Variants in HYLS1 observed in about 807,000 individuals in gnomAD.
The protein encoded by HYLS1 is centriolar and ciliogenesis-associated protein HYLS1.
A neutral mutation model predicts 29.4 loss-of-function variants in HYLS1; 25 were observed. The ratio of observed to expected loss-of-function variants is 0.85; its 90% confidence interval spans 0.62 to 1.19. The LOEUF is 1.19. HYLS1 is among the 50% of genes most tolerant of loss of function. HYLS1 has a pLI of 0.00. For synonymous variants in HYLS1, 128 were observed against 126.7 expected, an observed-to-expected ratio of 1.01 and a Z score of -0.07; for missense variants, 352 against 365.1, an observed-to-expected ratio of 0.96 and a Z score of 0.29.
At chr11:125,889,870 T>G (rs1944380281) in intron 1 of HYLS1, among the ~76,000 whole-genome samples, 1 of 152,226 alleles carries the variant, frequency 6.6e-6, no homozygotes, top group Admixed American at 6.5e-5. Context: ...TGAAAAAATC[T>G]TATCAATCTG....
chr11:125,899,909 G>C lies in HYLS1; in HGVS notation c.541G>C (p.Ala181Pro). 6.2e-7 allele frequency: 1 copy of C among 1,614,202 alleles called. No homozygotes were observed. Among genetic ancestry groups the C allele is most frequent in the Non-Finnish European group, 8.5e-7 (1 of 1,180,026 alleles). ...ACAAAGAGAAGGAATGGGCTCTCCAGCTTACGAACAAGACCTGATTGTTGC... is the reference window on the plus strand; with the variant it reads ...ACAAAGAGAAGGAATGGGCTCTCCACCTTACGAACAAGACCTGATTGTTGC... ...SLQREGMGSP[A>P]YEQDLIVASR... Residue 181 changes from alanine (A) to proline (P), a missense_variant, in exon 3 of 3, where the codon GCT becomes CCT. Transcript: ENST00000425380.
intron 2 of HYLS1, chr11:125,894,256 AT>A (rs1565452140): frequency 6.2e-7 from 1 of 1,611,706 alleles, no homozygotes; most frequent in Non-Finnish European, 8.5e-7. Context: ...ACTTACAGTC[AT>A]ATAAGACTAG....
Position 125,900,419 on chromosome 11 carries a change from C to A in HYLS1, c.*151C>A. The A allele has an allele frequency of 1.4e-6, 1 of 698,518 alleles. No homozygotes were observed. The highest frequency in any genetic ancestry group is 2.5e-6 in the Non-Finnish European group (1 of 406,266). The allele number at this position is 698,518 out of a possible 1,614,324, so 43.3% of individuals were successfully genotyped here. A position where few individuals can be genotyped will look rare whatever the true frequency, so the allele number is the denominator to read the frequency against. On this transcript the variant is annotated 3_prime_UTR_variant, in exon 3 of 3. Transcript: ENST00000425380. Reference sequence around the variant, plus strand: ...ATTGGTCTTTCCTAGCTATATATCACATTGGTATCAGATGATACTTCCAAA... The same window carrying A: ...ATTGGTCTTTCCTAGCTATATATCAAATTGGTATCAGATGATACTTCCAAA...
In HYLS1 at chr11:125,900,432, T is replaced by C; in HGVS notation, c.*164T>C. On this transcript the variant is annotated 3_prime_UTR_variant, in exon 3 of 3. Transcript: ENST00000425380. The stretch of plus-strand genomic sequence containing the variant: ...AGCTATATATCACATTGGTATCAGA[T>C]GATACTTCCAAATTGCCACTCAAAT... 1 of 653,838 alleles carries C rather than the reference T, an allele frequency of 1.5e-6. No individual in the cohort carries two copies. Among genetic ancestry groups the C allele is most frequent in the Non-Finnish European group, 2.7e-6 (1 of 373,890 alleles). The allele number at this position is 653,838 out of a possible 1,614,324, so 40.5% of individuals were successfully genotyped here.
At chr11:125,899,274 G>C in intron 2 of HYLS1, 70 bp from the exon 3 acceptor site, 1 of 1,095,990 alleles carries the variant, frequency 9.1e-7, no homozygotes, top group Non-Finnish European at 1.4e-6. Context: ...ATAAAACGGA[G>C]ATAAGGGAAT....
At chr11:125,893,715 AT>A (rs35423925) in intron 2 of HYLS1, 60,604 of 971,896 alleles carry the variant, frequency 0.062, 1 homozygote, top group Non-Finnish European at 0.066. Flanking sequence ...TTGCAAGTAA[AT>A]TTTTTTTTTT....
At chr11:125,890,063 A>G (rs1412000423) in intron 1 of HYLS1, among the ~76,000 whole-genome samples, 2 of 152,074 alleles carry the variant, frequency 1.3e-5, no homozygotes, top group East Asian at 1.9e-4. Context: ...TTCAGCCCCC[A>G]TAGTACTGAG....
chr11:125,898,322 T>G (rs1237393176), intron 2 of HYLS1, among the ~76,000 whole-genome samples: 1 of 152,220 alleles, frequency 6.6e-6, no homozygotes, highest in Non-Finnish European at 1.5e-5. Flanking sequence ...ATGTGGCTGA[T>G]TGATGTGGAT....
Position 125,900,272 on chromosome 11 carries a change from T to G in HYLS1, c.*4T>G. 1 of 1,613,676 alleles carries G rather than the reference T, an allele frequency of 6.2e-7. No individual in the cohort carries two copies. The highest frequency in any genetic ancestry group is 8.5e-7 in the Non-Finnish European group (1 of 1,179,620). On this transcript the variant is annotated 3_prime_UTR_variant, in exon 3 of 3. Transcript: ENST00000425380. ...CTTCCCTCTTTCTCCTTCTTAAATC[T>G]TTTTAAACTTCTTTCACAGGATTGT...
intron 2 of HYLS1, chr11:125,895,400 C>T: frequency 1.2e-6 from 2 of 1,614,134 alleles, no homozygotes; most frequent in Non-Finnish European, 1.7e-6. Flanking sequence ...CTTGCCATCT[C>T]CCCTCACCTG....
At chr11:125,885,798 C>T (rs1014077772), upstream of HYLS1, among the ~76,000 whole-genome samples, 1 of 152,228 alleles carries the variant, frequency 6.6e-6, no homozygotes, top group Non-Finnish European at 1.5e-5. Flanking sequence ...CTCTGCCTTC[C>T]GTCGCATGAA....
intron 2 of HYLS1, among the ~76,000 whole-genome samples, chr11:125,894,502 T>C (rs1331067936): frequency 3.3e-5 from 5 of 152,204 alleles, no homozygotes; most frequent in African/African-American, 9.7e-5. Flanking sequence ...ACCTGATCTA[T>C]GTAAGGTAAA....
chr11:125,896,252 AGTCTGGTTTCT>A, intron 2 of HYLS1: 2 of 1,612,906 alleles, frequency 1.2e-6, no homozygotes, highest in Non-Finnish European at 1.7e-6. Context: ...GGAGCTTCTC[AGTCTGGTTTCT>A]GTCTGTGTCA....
Position 125,899,730 on chromosome 11 carries a change from G to A in HYLS1, c.362G>A (p.Gly121Asp), listed in dbSNP as rs769276737. The stretch of plus-strand genomic sequence containing the variant: ...TCGATTATCAGTGAATCAGAATCTG[G>A]TACAGAAAATGATCAGGATCTCTGG... ...DESIISESES[G>D]TENDQDLWDL... Residue 121 changes from glycine (G) to aspartate (D), a missense_variant, in exon 3 of 3, where the codon GGT becomes GAT. By Grantham distance (94) the Gly-to-Asp change is moderately conservative. Transcript: ENST00000425380. 1 of 1,614,122 alleles carries A rather than the reference G, an allele frequency of 6.2e-7. No homozygotes were observed. The highest frequency in any genetic ancestry group is 1.1e-5 in the South Asian group (1 of 91,076).
chr11:125,896,246 C>T (rs1944586236), intron 2 of HYLS1: 2 of 1,613,020 alleles, frequency 1.2e-6, no homozygotes, highest in South Asian at 1.1e-5. Context: ...TTTTTAGGAG[C>T]TTCTCAGTCT....
chr11:125,885,538 C>T (rs1944291363), upstream of HYLS1, among the ~76,000 whole-genome samples: 1 of 152,144 alleles, frequency 6.6e-6, no homozygotes, highest in Non-Finnish European at 1.5e-5. Flanking sequence ...AAAAATGATT[C>T]CATCTACTCT....
chr11:125,893,906 A>G, intron 2 of HYLS1: 1 of 1,614,144 alleles, frequency 6.2e-7, no homozygotes, highest in Non-Finnish European at 8.5e-7. Flanking sequence ...TTCCTCATGG[A>G]ATAAATGTGG....
At chr11:125,896,646 C>A (rs7129502) in intron 2 of HYLS1, among the ~76,000 whole-genome samples, 2 of 152,122 alleles carry the variant, frequency 1.3e-5, no homozygotes, top group African/African-American at 4.8e-5. Context: ...ACTGATGTTA[C>A]AGATTTTTTT....
intron 1 of HYLS1, among the ~76,000 whole-genome samples, chr11:125,890,151 A>G (rs1222733718): frequency 6.6e-6 from 1 of 152,012 alleles, no homozygotes; most frequent in Non-Finnish European, 1.5e-5. Flanking sequence ...TGTGTTGCAC[A>G]GGCTGGTCTT....
Sources: allele counts gnomAD v4.1 joint callset (sites outside exome capture counted in the v4.1 genomes callset), GRCh38; gene constraint gnomAD v4.1.1; transcripts MANE v1.5; gene names NCBI Gene and HGNC (gene_info 2026-07-23, HGNC 2026-07-21).